FAM227B: variants seen among roughly 807,000 people sequenced by gnomAD.
FAM227B encodes protein FAM227B.
FAM227B carries 88 observed loss-of-function variants against 73.8 expected under a neutral mutation model. The ratio of observed to expected loss-of-function variants is 1.19; its 90% CI spans 1.00 to 1.42. FAM227B has a LOEUF of 1.42. FAM227B is among the 40% of genes most tolerant of loss of function. The probability of loss-of-function intolerance (pLI) is 0.00; values close to 1 mark genes in which losing one functional copy is unlikely to be tolerated. For synonymous variants in FAM227B, 210 were observed against 190.5 expected, an observed-to-expected ratio of 1.10 and a Z score of -0.84; for missense variants, 632 against 590.9, an observed-to-expected ratio of 1.07 and a Z score of -0.72.
At chr15:49,372,492 G>A (rs553501412) in intron 11 of FAM227B, among the ~76,000 whole-genome samples, 1 of 152,240 alleles carries the variant, frequency 6.6e-6, no homozygotes, top group East Asian at 1.9e-4. Flanking sequence ...AATGCAATAA[G>A]CAACCTGGGC....
chr15:49,421,746 T>C (rs1245919221), intron 11 of FAM227B, among the ~76,000 whole-genome samples: 3 of 152,212 alleles, frequency 2.0e-5, no homozygotes, highest in Admixed American at 6.5e-5. Context: ...CTAGGAATTC[T>C]GAGCCTGCTC....
At chr15:49,520,650 C>G (rs1588132) in intron 10 of FAM227B, among the ~76,000 whole-genome samples, 48,237 of 151,982 alleles carry the variant, frequency 0.32, 8,240 homozygotes, top group African/African-American at 0.42. Flanking sequence ...CATGTGCAGG[C>G]GGAGCTGCCC....
At chr15:49,538,365 C>T (rs568354970) in intron 10 of FAM227B, among the ~76,000 whole-genome samples, 3 of 152,190 alleles carry the variant, frequency 2.0e-5, no homozygotes, top group Non-Finnish European at 4.4e-5. Context: ...TCAGTTTGGC[C>T]GCAGAAGGCA....
intron 8 of FAM227B, among the ~76,000 whole-genome samples, chr15:49,573,757 G>T (rs545794994): frequency 4.6e-5 from 7 of 152,254 alleles, no homozygotes; most frequent in African/African-American, 1.7e-4. Flanking sequence ...TAATACAAGA[G>T]AGATGTTTAA....
intron 11 of FAM227B, among the ~76,000 whole-genome samples, chr15:49,505,263 G>T (rs1166357058): frequency 1.3e-5 from 2 of 151,986 alleles, no homozygotes; most frequent in African/African-American, 4.8e-5. Context: ...TGGCAAGAAG[G>T]AATTACAAAA....
intron 13 of FAM227B, chr15:49,353,421 T>C (rs898978290): frequency 6.6e-6 from 1 of 152,186 alleles, no homozygotes; most frequent in African/African-American, 2.4e-5. Context: ...CTCCATCATA[T>C]TTTGGCAGAG....
In FAM227B at chr15:49,602,394, A is replaced by T. The variant is rs544785096; in HGVS notation, c.105+8821T>A. On this transcript the variant is annotated intron_variant, in intron 3 of 15. Coordinates refer to ENST00000299338, the MANE Select transcript of FAM227B (RefSeq NM_152647.3). ...TTAGATTTGCATTTCTCTGATGATC[A>T]GTGATGTTGAGCACCTTTTCATATG... Among the ~76,000 whole-genome samples, 5 of 152,332 alleles carry T rather than the reference A, an allele frequency of 3.3e-5. No individual in the cohort carries two copies. The South Asian group carries it at 1.0e-3, about 32-fold the overall frequency.
At chr15:49,403,759 T>A (rs2048334020) in intron 11 of FAM227B, among the ~76,000 whole-genome samples, 1 of 152,154 alleles carries the variant, frequency 6.6e-6, no homozygotes, top group Non-Finnish European at 1.5e-5. Flanking sequence ...TTAATCTCCT[T>A]CAGTTTAGCT....
intron 10 of FAM227B, among the ~76,000 whole-genome samples, chr15:49,523,161 C>A (rs1201988210): frequency 6.6e-6 from 1 of 152,168 alleles, no homozygotes; most frequent in Non-Finnish European, 1.5e-5. Flanking sequence ...AGAAGAGATG[C>A]TAGAAGAGTG....
chr15:49,541,678 A>T lies in FAM227B; in HGVS notation c.874+2T>A. On this transcript the variant is annotated splice_donor_variant, in intron 10 of 15. Coordinates refer to ENST00000299338, the MANE Select transcript of FAM227B (RefSeq NM_152647.3). LOFTEE classifies it high-confidence loss of function. ...ATTAATATTTAAATGATATATTCAT[A>T]CCTGAACACCAAAGAAAAATGTTAT... 6.7e-7 allele frequency: 1 copy of T among 1,497,594 alleles called. No homozygotes were observed. The allele number at this position is 1,497,594 out of a possible 1,614,324, so 92.8% of individuals were successfully genotyped here. A position where few individuals can be genotyped will look rare whatever the true frequency, so the allele number is the denominator to read the frequency against.
At chr15:49,510,125 T>C (rs2058877958) in intron 10 of FAM227B, among the ~76,000 whole-genome samples, 1 of 152,120 alleles carries the variant, frequency 6.6e-6, no homozygotes, top group African/African-American at 2.4e-5. Context: ...AGGCATTCTA[T>C]TGACGTCCAA....
intron 14 of FAM227B, among the ~76,000 whole-genome samples, chr15:49,334,983 C>A (rs913002063): frequency 6.6e-6 from 1 of 152,196 alleles, no homozygotes; most frequent in African/African-American, 2.4e-5. Context: ...TGCAAATGTT[C>A]CCCCAAGAAA....
At chr15:49,372,779 ACTAAT>A (rs1172844406) in intron 11 of FAM227B, among the ~76,000 whole-genome samples, 13 of 152,190 alleles carry the variant, frequency 8.5e-5, no homozygotes, top group Admixed American at 6.6e-4. Context: ...TACCAGGTAG[ACTAAT>A]CAGATCTAGT....
At chr15:49,481,831 A>G (rs1404045931) in intron 11 of FAM227B, among the ~76,000 whole-genome samples, 2 of 152,170 alleles carry the variant, frequency 1.3e-5, no homozygotes, top group Non-Finnish European at 2.9e-5. Flanking sequence ...CAACTGGACG[A>G]GCTCTGACTA....
At chr15:49,511,012 A>G (rs12594585) in intron 10 of FAM227B, among the ~76,000 whole-genome samples, 8,248 of 151,620 alleles carry the variant, frequency 0.054, 324 homozygotes, top group East Asian at 0.12. Flanking sequence ...AGGACTCACA[A>G]TTTACTGTGG....
intron 11 of FAM227B, among the ~76,000 whole-genome samples, chr15:49,490,848 C>T (rs1187285043): frequency 1.3e-5 from 2 of 151,878 alleles, no homozygotes; most frequent in African/African-American, 4.8e-5. Flanking sequence ...ACTTTACTAT[C>T]ACTTCTTTAT....
At chr15:49,586,337 T>A (rs1420301749) in intron 5 of FAM227B, among the ~76,000 whole-genome samples, 7 of 152,214 alleles carry the variant, frequency 4.6e-5, no homozygotes, top group Non-Finnish European at 1.0e-4. Context: ...GCTAGCCATA[T>A]GCAGAAGATT....
At chr15:49,598,654 C>T (rs1273997316) in intron 3 of FAM227B, among the ~76,000 whole-genome samples, 1 of 151,960 alleles carries the variant, frequency 6.6e-6, no homozygotes, top group Non-Finnish European at 1.5e-5. Context: ...TTTTTAAAAT[C>T]ATGAAGCAAT....
At chr15:49,370,369 G>C (rs1240313483) in intron 12 of FAM227B, among the ~76,000 whole-genome samples, 1 of 152,198 alleles carries the variant, frequency 6.6e-6, no homozygotes, top group Non-Finnish European at 1.5e-5. Flanking sequence ...CTGAAGACCA[G>C]ATATACAATT....
Sources: allele counts gnomAD v4.1 joint callset (sites outside exome capture counted in the v4.1 genomes callset), GRCh38; gene constraint gnomAD v4.1.1; transcripts MANE v1.5; gene names NCBI Gene and HGNC (gene_info 2026-07-23, HGNC 2026-07-21).